The following CFAP299 variants were observed in gnomAD, a reference collection of about 807,000 sequenced individuals.
CFAP299 encodes cilia and flagella associated protein 299.
A neutral mutation model predicts 27.0 loss-of-function variants in CFAP299; 21 were observed. The ratio of observed to expected loss-of-function variants is 0.78; its 90% CI spans 0.55 to 1.12. The LOEUF (loss-of-function observed/expected upper bound fraction) is 1.12, where lower values mean the gene tolerates loss of function less well. Ranked by LOEUF, CFAP299 falls within the 50% of genes most tolerant of loss-of-function variation. The pLI is 0.00. For synonymous variants in CFAP299, 104 were observed against 98.1 expected, an observed-to-expected ratio of 1.06 and a Z score of -0.36; for missense variants, 310 against 276.6, an observed-to-expected ratio of 1.12 and a Z score of -0.86.
At chr4:80,954,838 A>C (rs1158026216) in intron 5 of CFAP299, among the ~76,000 whole-genome samples, 1 of 151,812 alleles carries the variant, frequency 6.6e-6, no homozygotes, top group African/African-American at 2.4e-5. Context: ...TCTCTACTAA[A>C]AAATACAAAA....
chr4:80,892,022 G>A (rs1231400866), intron 4 of CFAP299, among the ~76,000 whole-genome samples: 2 of 151,840 alleles, frequency 1.3e-5, no homozygotes, highest in Non-Finnish European at 2.9e-5. Context: ...AAGTTTATAT[G>A]GAATGACAAA....
At chr4:80,447,536 G>A (rs548512073) in intron 2 of CFAP299, among the ~76,000 whole-genome samples, 2 of 152,048 alleles carry the variant, frequency 1.3e-5, no homozygotes, top group South Asian at 2.1e-4. Context: ...GGATTCAAGC[G>A]GTTCTCCTGC....
intron 3 of CFAP299, among the ~76,000 whole-genome samples, chr4:80,851,349 A>G (rs1274749535): frequency 6.6e-6 from 1 of 152,186 alleles, no homozygotes; most frequent in African/African-American, 2.4e-5. Context: ...TAAAACTTCC[A>G]TCAACATTTT....
At position 80,868,915 on chromosome 4, in the gene CFAP299, G is replaced by C. The variant is rs369760739; in HGVS notation, c.334-1078G>C. Among the ~76,000 whole-genome samples the C allele has an allele frequency of 2.2e-3, 329 of 150,028 alleles. 1 individual carries two copies. The highest frequency in any genetic ancestry group is 5.7e-3 in the African/African-American group (233 of 40,896). ...TGGGGGCTTCTCTCTCTGTGTGTGT[G>C]TGTGTGTGTGTGTGTGTGTGTGTGT... is the stretch of plus-strand genomic sequence containing the variant. On this transcript the variant is annotated intron_variant, in intron 3 of 5. Transcript: ENST00000358105.
intron 4 of CFAP299, among the ~76,000 whole-genome samples, chr4:80,940,059 C>T (rs575217097): frequency 6.6e-6 from 1 of 152,080 alleles, no homozygotes; most frequent in Admixed American, 6.6e-5. Context: ...AGTATTTGCT[C>T]GCACCATCTC....
chr4:80,632,875 A>C (rs1371986956), intron 3 of CFAP299, among the ~76,000 whole-genome samples: 1 of 152,196 alleles, frequency 6.6e-6, no homozygotes, highest in African/African-American at 2.4e-5. Flanking sequence ...AAAGACCTTG[A>C]AAATTAGCTT....
chr4:80,718,144 AG>A (rs1722597650), intron 3 of CFAP299, among the ~76,000 whole-genome samples: 1 of 152,100 alleles, frequency 6.6e-6, no homozygotes, highest in Non-Finnish European at 1.5e-5. Context: ...TTTTCTGAGT[AG>A]GCTGTACAGA....
intron 4 of CFAP299, among the ~76,000 whole-genome samples, chr4:80,891,811 G>A (rs1734309184): frequency 2.1e-5 from 2 of 93,174 alleles, no homozygotes; most frequent in Admixed American, 1.2e-4. Context: ...TAAAAGCTTT[G>A]AGAAGCCCTA....
At chr4:80,688,025 G>A (rs538445857) in intron 3 of CFAP299, among the ~76,000 whole-genome samples, 4 of 152,346 alleles carry the variant, frequency 2.6e-5, no homozygotes, top group Admixed American at 6.5e-5. Context: ...CCCGCACCTG[G>A]CTCGGAGGGT....
chr4:80,842,549 T>G (rs1429954039), intron 3 of CFAP299, among the ~76,000 whole-genome samples: 3 of 152,140 alleles, frequency 2.0e-5, no homozygotes, highest in African/African-American at 4.8e-5. Context: ...TAAAATGTAA[T>G]AATGCACAGA....
At chr4:80,759,412 T>A (rs1425761223) in intron 3 of CFAP299, among the ~76,000 whole-genome samples, 3 of 152,166 alleles carry the variant, frequency 2.0e-5, no homozygotes, top group Non-Finnish European at 4.4e-5. Context: ...CTGGTTGTAG[T>A]TTGAACTTTA....
At chr4:80,754,395 G>A (rs1322742420) in intron 3 of CFAP299, among the ~76,000 whole-genome samples, 2 of 152,090 alleles carry the variant, frequency 1.3e-5, no homozygotes, top group East Asian at 3.8e-4. Flanking sequence ...CTATCTTGCT[G>A]TGGGTAGGAG....
At chr4:80,813,333 T>C (rs1729254710) in intron 3 of CFAP299, among the ~76,000 whole-genome samples, 1 of 151,974 alleles carries the variant, frequency 6.6e-6, no homozygotes, top group African/African-American at 2.4e-5. Context: ...AACTACATTT[T>C]TGAAAGGAAA....
intron 2 of CFAP299, among the ~76,000 whole-genome samples, chr4:80,403,862 A>G (rs898822573): frequency 6.6e-6 from 1 of 152,134 alleles, no homozygotes; most frequent in Admixed American, 6.6e-5. Flanking sequence ...TAGGTTGTCA[A>G]CTACTAGTAG....
Position 80,362,878 on chromosome 4 carries a change from A to T in CFAP299, c.236A>T (p.Gln79Leu), listed in dbSNP as rs550460714. 6.2e-7 allele frequency: 1 copy of T among 1,604,214 alleles called. No homozygotes were observed. Among genetic ancestry groups the T allele is most frequent in the African/African-American group, 1.3e-5 (1 of 74,456 alleles). ...ATTGCAAGACTGGCTGAAAGAGCTC[A>T]GCAAAAGTAAGTGTCCATGTTCCAA... ...IEIARLAERA[Q>L]QKTLTSAGKD... is the part of the protein sequence containing the mutation. The change falls in exon 2 of 6, where the codon CAG becomes CTG. Residue 79 changes from glutamine (Q) to leucine (L), a missense_variant. Transcript: ENST00000358105.
intron 4 of CFAP299, among the ~76,000 whole-genome samples, chr4:80,876,662 A>G (rs1408973969): frequency 6.6e-6 from 1 of 152,206 alleles, no homozygotes. Flanking sequence ...ATATACAGAC[A>G]CATACATATG....
intron 2 of CFAP299, among the ~76,000 whole-genome samples, chr4:80,472,313 A>AT (rs1730041102): frequency 1.3e-5 from 2 of 152,226 alleles, no homozygotes; most frequent in South Asian, 4.1e-4. Flanking sequence ...TCAGGTACAT[A>AT]TATTAGAGTG....
At chr4:80,558,926 G>A (rs1578597618) in intron 2 of CFAP299, among the ~76,000 whole-genome samples, 1 of 152,178 alleles carries the variant, frequency 6.6e-6, no homozygotes. Context: ...CATATAAATA[G>A]CACTAACGAG....
At chr4:80,817,876 G>C (rs1729503957) in intron 3 of CFAP299, among the ~76,000 whole-genome samples, 1 of 151,330 alleles carries the variant, frequency 6.6e-6, no homozygotes, top group Non-Finnish European at 1.5e-5. Flanking sequence ...ACATGTGCAG[G>C]ATGTACAAGT....
Sources: gnomAD v4.1 joint callset for allele counts (sites outside exome capture counted in the v4.1 genomes callset) on GRCh38, gnomAD v4.1.1 for gene constraint, MANE v1.5 for transcripts, NCBI Gene and HGNC (gene_info 2026-07-23, HGNC 2026-07-21) for gene names.